DSG4: variants seen among roughly 807,000 people sequenced by gnomAD.
DSG4 encodes desmoglein 4, also known as desmoglein-4.
Under a neutral mutation model 93.1 loss-of-function variants are expected in DSG4, and 87 were observed. That is an observed-to-expected ratio of 0.93 (90% CI 0.79 to 1.12). DSG4 has a LOEUF of 1.12. DSG4 is among the 50% of genes most tolerant of loss of function. DSG4 has a pLI of 0.00. For missense variants in DSG4, 1,373 were observed against 1,285.7 expected (o/e 1.07, Z -1.04); for synonymous variants, 432 against 452.9 (o/e 0.95, Z 0.59).
chr18:31,385,330 T>C (rs866185844), intron 2 of DSG4, among the ~76,000 whole-genome samples, 159 bp downstream of exon 2: 8 of 152,206 alleles, frequency 5.3e-5, no homozygotes, highest in Non-Finnish European at 7.4e-5. Context: ...GTAAAATCCA[T>C]GCTCCCAAAT....
chr18:31,389,162 T>C (rs1456719053), intron 5 of DSG4, 144 bp downstream of exon 5: 1 of 919,856 alleles, frequency 1.1e-6, no homozygotes, highest in Non-Finnish European at 1.7e-6. Context: ...TTTTAATTTA[T>C]AACTGAGCTA....
At chr18:31,408,134 G>A (rs1445947055) in intron 12 of DSG4, among the ~76,000 whole-genome samples, 1 of 152,216 alleles carries the variant, frequency 6.6e-6, no homozygotes, top group African/African-American at 2.4e-5. Flanking sequence ...TTTTAGGAGA[G>A]AGGGGGCAGT....
In DSG4 at chr18:31,390,817, A is replaced by C; in HGVS notation, c.679A>C (p.Arg227=). 1 of 1,613,436 alleles carries C rather than the reference A, an allele frequency of 6.2e-7. No homozygotes were observed. Among genetic ancestry groups the C allele is most frequent in the South Asian group, 1.1e-5 (1 of 91,030 alleles). Residue 227 remains arginine, a synonymous_variant, in exon 6 of 16, where the codon AGA becomes CGA. Coordinates refer to ENST00000308128, the MANE Select transcript of DSG4 (RefSeq NM_177986.5). The part of the protein sequence containing the change: ...EVCTMSSFLD[R]EQHSMYNLVV... ...CTGCACCATGTCCAGTTTCTTGGAC[A>C]GAGAGGTAAAGCCTTCTGTGAATGA...
At chr18:31,398,612 C>CA (rs2072330367) in intron 8 of DSG4, among the ~76,000 whole-genome samples, 1 of 152,284 alleles carries the variant, frequency 6.6e-6, no homozygotes, top group East Asian at 1.9e-4. Context: ...CATGTCACCA[C>CA]ATCAATCATT....
At chr18:31,381,402 G>A (rs1442533839) in intron 1 of DSG4, among the ~76,000 whole-genome samples, 1 of 152,012 alleles carries the variant, frequency 6.6e-6, no homozygotes, top group Non-Finnish European at 1.5e-5. Context: ...AATGTTCATG[G>A]GATAAATTAG....
chr18:31,404,219 T>G (rs927571905), intron 11 of DSG4, among the ~76,000 whole-genome samples: 4 of 152,132 alleles, frequency 2.6e-5, no homozygotes, highest in Non-Finnish European at 4.4e-5. Flanking sequence ...ATACAGCCAT[T>G]AAAATTAGAA....
At chr18:31,396,662 T>C (rs2072309866) in intron 8 of DSG4, among the ~76,000 whole-genome samples, 1 of 152,004 alleles carries the variant, frequency 6.6e-6, no homozygotes, top group Non-Finnish European at 1.5e-5. Context: ...AGCCAGTAAT[T>C]CCATTTTTAG....
At chr18:31,397,817 A>G (rs1260446858) in intron 8 of DSG4, among the ~76,000 whole-genome samples, 1 of 152,130 alleles carries the variant, frequency 6.6e-6, no homozygotes, top group East Asian at 1.9e-4. Flanking sequence ...ACCCAAGGTC[A>G]GGAGTTCAAG....
At chr18:31,406,488 T>G (rs925778163) in intron 12 of DSG4, 115 bp downstream of exon 12, 15 of 1,194,132 alleles carry the variant, frequency 1.3e-5, no homozygotes, top group Admixed American at 1.8e-5. Flanking sequence ...TCTAGCAATT[T>G]TTGAGTGCCT....
intron 8 of DSG4, among the ~76,000 whole-genome samples, chr18:31,396,562 G>C (rs2072308674): frequency 6.6e-6 from 1 of 151,844 alleles, no homozygotes; most frequent in Admixed American, 6.6e-5. Flanking sequence ...ACCATTGCTG[G>C]CCAGGCTGGT....
In DSG4 at chr18:31,376,785, T is replaced by C. The variant is rs1568057757; in HGVS notation, c.-127T>C. On this transcript the variant is annotated 5_prime_UTR_variant, in exon 1 of 16. Coordinates refer to ENST00000308128, the MANE Select transcript of DSG4 (RefSeq NM_177986.5). ...TCTCTCTGCCCAGAGATCACCACAG[T>C]TATCACCCATGCCCTCCTAAAAGGG... The C allele has an allele frequency of 2.0e-6, 2 of 985,076 alleles. No homozygotes were observed. The highest frequency in any genetic ancestry group is 3.2e-6 in the Non-Finnish European group (2 of 623,526). 61.0% of individuals were successfully genotyped at this position (985,076 alleles called of 1,614,324 possible).
At chr18:31,381,382 T>TA (rs199633630) in intron 1 of DSG4, among the ~76,000 whole-genome samples, 10,150 of 147,800 alleles carry the variant, frequency 0.069, 347 homozygotes, top group African/African-American at 0.088. Context: ...TTTTGCAAAT[T>TA]AAAAAAAAAA....
At chr18:31,399,645 TG>T in intron 9 of DSG4, 102 bp downstream of exon 9, 1 of 1,478,586 alleles carries the variant, frequency 6.8e-7, no homozygotes, top group Non-Finnish European at 9.4e-7. Flanking sequence ...AGGGCTTTTT[TG>T]CTTTTATTAT....
At position 31,376,886 on chromosome 18, in the gene DSG4, T is replaced by A; in HGVS notation, c.-26T>A. Reference sequence around the variant, plus strand: ...AGGGCTCAAATTGAATCTCACAGGATTTGCGTGCAAGAGAAACCCAAAGGA... The same window carrying A: ...AGGGCTCAAATTGAATCTCACAGGAATTGCGTGCAAGAGAAACCCAAAGGA... On this transcript the variant is annotated 5_prime_UTR_variant, in exon 1 of 16. Coordinates refer to ENST00000308128, the MANE Select transcript of DSG4 (RefSeq NM_177986.5). 1 of 1,613,478 alleles carries A rather than the reference T, an allele frequency of 6.2e-7. No homozygotes were observed. The highest frequency in any genetic ancestry group is 8.5e-7 in the Non-Finnish European group (1 of 1,179,608).
chr18:31,399,207 GC>G, intron 8 of DSG4, 64 bp from the exon 9 acceptor site: 1 of 1,602,444 alleles, frequency 6.2e-7, no homozygotes, highest in Non-Finnish European at 8.5e-7. Context: ...CTTTACCATG[GC>G]TTCTTACTTT....
chr18:31,406,247 A>G lies in DSG4; in HGVS notation c.1807A>G (p.Ile603Val), dbSNP rs2072425162. Reference sequence around the variant, plus strand: ...GTGCCTGGACTCTGGTGCCGCGGGCATCTACACAGAGGACATAACTGGTGA... The same window carrying G: ...GTGCCTGGACTCTGGTGCCGCGGGCGTCTACACAGAGGACATAACTGGTGA... ...HMCLDSGAAG[I>V]YTEDITGDTY... The change falls in exon 12 of 16, where the codon ATC (isoleucine) becomes GTC (valine). Residue 603 changes from isoleucine to valine, a missense_variant. Physicochemically the swap from Ile to Val is conservative, Grantham distance 29. Transcript: ENST00000308128. 9 of 1,614,206 alleles carry G rather than the reference A, an allele frequency of 5.6e-6. No individual in the cohort carries two copies. Among genetic ancestry groups the G allele is most frequent in the Non-Finnish European group, 7.6e-6 (9 of 1,180,032 alleles).
In DSG4 at chr18:31,400,987, G is replaced by T. The variant is rs769839521; in HGVS notation, c.1384G>T (p.Gly462Trp). 6.2e-7 allele frequency: 1 copy of T among 1,610,460 alleles called. No individual in the cohort carries two copies. Among genetic ancestry groups the T allele is most frequent in the Non-Finnish European group, 8.5e-7 (1 of 1,177,702 alleles). ...FDKKSKYIIN[G>W]IYTAEILAID... ...TAAGAAGTCAAAATATATTATCAAT[G>T]GGATATACACAGCAGAGATCCTGGC... Residue 462 changes from glycine to tryptophan, a missense_variant, in exon 10 of 16, where the codon GGG becomes TGG. Coordinates refer to ENST00000308128, the MANE Select transcript of DSG4 (RefSeq NM_177986.5).
intron 10 of DSG4, chr18:31,401,673 A>T (rs1486328620): frequency 6.6e-6 from 1 of 152,174 alleles, no homozygotes; most frequent in Non-Finnish European, 1.5e-5. Flanking sequence ...TCAATAGTTA[A>T]TGATTCTATG....
intron 1 of DSG4, among the ~76,000 whole-genome samples, chr18:31,383,112 A>T (rs2072153234): frequency 6.6e-6 from 1 of 152,184 alleles, no homozygotes; most frequent in Non-Finnish European, 1.5e-5. Flanking sequence ...CACAGAAGAA[A>T]ACGCTTCTTT....
Sources: allele counts gnomAD v4.1 joint callset (sites outside exome capture counted in the v4.1 genomes callset), GRCh38; gene constraint gnomAD v4.1.1; transcripts MANE v1.5; gene names NCBI Gene and HGNC (gene_info 2026-07-23, HGNC 2026-07-21).